The following GABRA3 variants were observed in gnomAD, a reference collection of about 807,000 sequenced individuals.
GABRA3 encodes gamma-aminobutyric acid type A receptor subunit alpha3, also known as gamma-aminobutyric acid receptor subunit alpha-3.
Under a neutral mutation model 30.1 loss-of-function variants are expected in GABRA3, and 10 were observed. The ratio of observed to expected loss-of-function variants is 0.33; its 90% CI spans 0.20 to 0.56. The LOEUF (loss-of-function observed/expected upper bound fraction) is 0.56. Among genes scored for constraint, GABRA3 ranks in the 20% least tolerant of loss-of-function variants. GABRA3 has a pLI of 0.89. For missense variants in GABRA3, 233 were observed against 392.0 expected, an observed-to-expected ratio of 0.59 and a Z score of 3.42; for synonymous variants, 151 against 146.8, an observed-to-expected ratio of 1.03 and a Z score of -0.21.
chrX:152,404,475 A>G (rs1929874881), intron 1 of GABRA3, among the ~76,000 whole-genome samples: 1 of 110,878 alleles, frequency 9.0e-6, no homozygotes, highest in African/African-American at 3.3e-5. Context: ...CCAAAGGACC[A>G]AGAAAGGGAC....
intron 1 of GABRA3, among the ~76,000 whole-genome samples, chrX:152,402,437 C>T (rs941634637): frequency 8.9e-6 from 1 of 111,805 alleles, no homozygotes; most frequent in East Asian, 2.8e-4. Flanking sequence ...TTTAAATTAG[C>T]CGTAAGTTTT....
At chrX:152,185,227 G>A (rs901557699) in intron 9 of GABRA3, among the ~76,000 whole-genome samples, 1 of 111,096 alleles carries the variant, frequency 9.0e-6, no homozygotes, top group South Asian at 3.8e-4. Context: ...ACAAAGCAGA[G>A]CACCTGTACA....
chrX:152,291,557 G>C (rs1424815349), intron 3 of GABRA3, among the ~76,000 whole-genome samples: 2 of 111,654 alleles, frequency 1.8e-5, no homozygotes, highest in Admixed American at 1.9e-4. Context: ...TGTTGAATAG[G>C]AGTGGTGGGA....
intron 6 of GABRA3, among the ~76,000 whole-genome samples, chrX:152,213,586 A>G (rs1466073835): frequency 9.0e-6 from 1 of 111,058 alleles, no homozygotes; most frequent in Non-Finnish European, 1.9e-5. Flanking sequence ...AAACAACTAA[A>G]CCTCCGCAAC....
chrX:152,376,678 T>C lies in GABRA3; in HGVS notation c.-26-12082A>G, dbSNP rs939349734. Among the ~76,000 whole-genome samples the C allele has an allele frequency of 6.2e-5, 7 of 112,026 alleles. No homozygotes were observed. The Admixed American group carries it at 6.7e-4, about 11-fold the overall frequency. The stretch of plus-strand genomic sequence containing the variant: ...TTCTTTCTTTTATCAATCAAGTTTC[T>C]TGAACTAGTAATTTATAATTGTTTA... On this transcript the variant is annotated intron_variant, in intron 1 of 9. Coordinates refer to ENST00000370314, the MANE Select transcript of GABRA3 (RefSeq NM_000808.4).
chrX:152,182,385 G>GTA (rs976881830), intron 9 of GABRA3, among the ~76,000 whole-genome samples: 1 of 92,077 alleles, frequency 1.1e-5, no homozygotes, highest in African/African-American at 4.0e-5. Flanking sequence ...TATATATAGT[G>GTA]TATATATACA....
chrX:152,336,137 C>A lies in GABRA3; in HGVS notation c.262+9444G>T, dbSNP rs138743692. On this transcript the variant is annotated intron_variant, in intron 3 of 9. Transcript: ENST00000370314. ...TGAGACCTATGTTAAAAGATTTTTTCTATCCCACCCCACCACAGGCCTTTA... is the reference window on the plus strand; with the variant it reads ...TGAGACCTATGTTAAAAGATTTTTTATATCCCACCCCACCACAGGCCTTTA... Among the ~76,000 whole-genome samples the A allele has an allele frequency of 3.2e-3, 357 of 110,870 alleles. 2 individuals carry two copies. The highest frequency in any genetic ancestry group is 5.7e-3 in the Non-Finnish European group (304 of 52,948).
intron 1 of GABRA3, among the ~76,000 whole-genome samples, chrX:152,386,073 T>C (rs1400447705): frequency 5.6e-5 from 6 of 107,360 alleles, no homozygotes; most frequent in Admixed American, 5.0e-4. Flanking sequence ...CTTGGCGATG[T>C]GGGCTCTTTT....
intron 1 of GABRA3, among the ~76,000 whole-genome samples, chrX:152,377,013 T>C (rs745349989): frequency 1.8e-5 from 2 of 112,109 alleles, no homozygotes; most frequent in East Asian, 5.6e-4. Context: ...GGGAATTTGA[T>C]TATATACATT....
At chrX:152,286,642 T>C (rs1345291846) in intron 3 of GABRA3, among the ~76,000 whole-genome samples, 1 of 111,739 alleles carries the variant, frequency 8.9e-6, no homozygotes, top group Non-Finnish European at 1.9e-5. Context: ...ATTTTAGCTC[T>C]CGTTGATTTC....
intron 7 of GABRA3, among the ~76,000 whole-genome samples, chrX:152,200,606 G>T (rs1937471031): frequency 9.1e-6 from 1 of 109,969 alleles, no homozygotes; most frequent in Non-Finnish European, 1.9e-5. Context: ...AAGGCATTGG[G>T]GATTTGTTTT....
At chrX:152,289,357 A>T (rs762816873) in intron 3 of GABRA3, among the ~76,000 whole-genome samples, 33 of 109,567 alleles carry the variant, frequency 3.0e-4, no homozygotes, top group East Asian at 8.7e-4. Flanking sequence ...AAGAAAAAAA[A>T]ATATATATTT....
At chrX:152,327,498 T>C (rs1164414597) in intron 3 of GABRA3, among the ~76,000 whole-genome samples, 1 of 111,892 alleles carries the variant, frequency 8.9e-6, no homozygotes, top group Non-Finnish European at 1.9e-5. Context: ...TACAACAAAC[T>C]ATCTCTCAGA....
intron 5 of GABRA3, among the ~76,000 whole-genome samples, chrX:152,226,794 C>A (rs1447734846): frequency 4.2e-4 from 47 of 111,046 alleles, no homozygotes; most frequent in East Asian, 5.8e-4. Context: ...GCTCATCATC[C>A]CTGGCCATCA....
chrX:152,190,077 T>A (rs1009449762), intron 8 of GABRA3, 136 bp from the exon 9 acceptor site: 6 of 458,253 alleles, frequency 1.3e-5, no homozygotes, highest in South Asian at 1.2e-4. Flanking sequence ...AATAAAATTT[T>A]AAAAAAACAC....
chrX:152,279,519 T>A (rs1056265007), intron 4 of GABRA3, among the ~76,000 whole-genome samples: 2 of 111,857 alleles, frequency 1.8e-5, no homozygotes, highest in South Asian at 3.7e-4. Context: ...TGTAGCTTTG[T>A]AGTATAGCTT....
chrX:152,412,835 C>A (rs975317706), intron 1 of GABRA3, among the ~76,000 whole-genome samples: 1 of 111,073 alleles, frequency 9.0e-6, no homozygotes, highest in Admixed American at 9.6e-5. Context: ...GAAACGTACA[C>A]TTTAAAATGG....
At chrX:152,275,175 A>ATATATTTAATATATATATAATT (rs1569378084) in intron 4 of GABRA3, among the ~76,000 whole-genome samples, 4 of 76,433 alleles carry the variant, frequency 5.2e-5, no homozygotes, top group African/African-American at 2.0e-4. Context: ...TATAATTTAT[A>ATATATTTAATATATATATAATT]TATATTTAAT....
intron 4 of GABRA3, among the ~76,000 whole-genome samples, chrX:152,283,494 C>T (rs1207880667): frequency 8.9e-6 from 1 of 112,083 alleles, no homozygotes; most frequent in Non-Finnish European, 1.9e-5. Flanking sequence ...TTCCAATTGA[C>T]TCATAGACCT....
Sources: gnomAD v4.1 joint callset for allele counts (sites outside exome capture counted in the v4.1 genomes callset) on GRCh38, gnomAD v4.1.1 for gene constraint, MANE v1.5 for transcripts, NCBI Gene and HGNC (gene_info 2026-07-23, HGNC 2026-07-21) for gene names.